ATG7: variants seen among roughly 807,000 people sequenced by gnomAD.
The protein encoded by ATG7 is ubiquitin-like modifier-activating enzyme ATG7.
In ATG7, 70 loss-of-function variants were observed where a neutral mutation model predicts 82.4. The observed-to-expected ratio is 0.85, with a 90% CI of 0.70 to 1.04. The LOEUF is 1.04. ATG7 is among the 50% of genes least tolerant of loss of function. The pLI is 0.00. For missense variants in ATG7, 792 were observed against 864.3 expected, an observed-to-expected ratio of 0.92 and a Z score of 1.05; for synonymous variants, 287 against 313.0, an observed-to-expected ratio of 0.92 and a Z score of 0.88.
chr3:11,300,831 A>G (rs13058769), intron 5 of ATG7, among the ~76,000 whole-genome samples: 31,534 of 152,188 alleles, frequency 0.21, 3,655 homozygotes, highest in South Asian at 0.36. Context: ...CTTTGTGTTA[A>G]GATGATTTTG....
chr3:11,407,729 C>G (rs180819315), intron 19 of ATG7, among the ~76,000 whole-genome samples: 14 of 152,350 alleles, frequency 9.2e-5, no homozygotes, highest in Admixed American at 2.6e-4. Flanking sequence ...GGCTTGCATT[C>G]TCTGAAGCCA....
At chr3:11,300,175 C>G (rs1946568486) in intron 5 of ATG7, among the ~76,000 whole-genome samples, 1 of 152,182 alleles carries the variant, frequency 6.6e-6, no homozygotes, top group Admixed American at 6.5e-5. Context: ...GATTCGCCTG[C>G]CTTGGCCTCC....
intron 18 of ATG7, among the ~76,000 whole-genome samples, chr3:11,378,555 G>A (rs888618132): frequency 1.3e-5 from 2 of 150,782 alleles, no homozygotes; most frequent in South Asian, 4.2e-4. Context: ...TGTGGTGGTG[G>A]GCGCCTGTAA....
chr3:11,318,451 C>G (rs1949746862), intron 9 of ATG7, among the ~76,000 whole-genome samples: 1 of 152,198 alleles, frequency 6.6e-6, no homozygotes, highest in African/African-American at 2.4e-5. Flanking sequence ...TTATCTTATT[C>G]TAGGAAAGAT....
downstream of ATG7, among the ~76,000 whole-genome samples, chr3:11,561,509 G>A (rs979079493): frequency 7.2e-5 from 11 of 152,288 alleles, no homozygotes; most frequent in Admixed American, 2.6e-4. Flanking sequence ...AGGGTGGCCC[G>A]TGAGCCCTCG....
At chr3:11,528,393 C>T (rs769887949) in intron 20 of ATG7, among the ~76,000 whole-genome samples, 5 of 152,040 alleles carry the variant, frequency 3.3e-5, no homozygotes, top group Non-Finnish European at 5.9e-5. Context: ...CACCAATATC[C>T]GGGAAGTCAG....
intron 20 of ATG7, among the ~76,000 whole-genome samples, chr3:11,442,041 C>CGA (rs1413973168): frequency 6.6e-6 from 1 of 152,166 alleles, no homozygotes; most frequent in African/African-American, 2.4e-5. Flanking sequence ...GGCCTCAAGC[C>CGA]ATTCACCTGC....
chr3:11,544,357 G>GC (rs2071090398), intron 20 of ATG7, among the ~76,000 whole-genome samples: 1 of 152,150 alleles, frequency 6.6e-6, no homozygotes, highest in Non-Finnish European at 1.5e-5. Flanking sequence ...AACCCGTGAG[G>GC]CCCCCCATCT....
intron 1 of ATG7, among the ~76,000 whole-genome samples, chr3:11,273,117 C>T (rs892685382): frequency 2.0e-5 from 3 of 152,182 alleles, no homozygotes; most frequent in African/African-American, 7.2e-5. Flanking sequence ...TAAACACTGG[C>T]GACTGATGCC....
chr3:11,443,826 ATG>A (rs2084241342), intron 20 of ATG7, among the ~76,000 whole-genome samples: 1 of 152,208 alleles, frequency 6.6e-6, no homozygotes, highest in Non-Finnish European at 1.5e-5. Context: ...ATATTTCCAA[ATG>A]AGCTATAACA....
At chr3:11,293,222 A>G (rs540521337) in intron 3 of ATG7, among the ~76,000 whole-genome samples, 32 of 152,150 alleles carry the variant, frequency 2.1e-4, no homozygotes, top group Non-Finnish European at 3.8e-4. Context: ...ATACAGACAG[A>G]ACTTGTTGTA....
In ATG7 at chr3:11,372,063, C is replaced by T. The variant is rs189585744; in HGVS notation, c.1875+7329C>T. ...GTGTTTTCATTCCCCACGGTGAGGA[C>T]GGTGTGTCCTGTCTCCTAAGGCCCT... On this transcript the variant is annotated intron_variant, in intron 18 of 20. Transcript: ENST00000693202. Among the ~76,000 whole-genome samples, 15 of 151,494 alleles carry T rather than the reference C, an allele frequency of 9.9e-5. No individual in the cohort carries two copies. The South Asian group carries it at 2.1e-3, about 21-fold the overall frequency.
intron 20 of ATG7, among the ~76,000 whole-genome samples, chr3:11,510,790 C>T (rs1040767649): frequency 6.6e-5 from 10 of 152,190 alleles, no homozygotes; most frequent in African/African-American, 2.4e-4. Flanking sequence ...GAATCGATAG[C>T]TTAAAAGATA....
At chr3:11,501,546 A>C (rs1213147588) in intron 20 of ATG7, among the ~76,000 whole-genome samples, 15 of 4,878 alleles carry the variant, frequency 3.1e-3, no homozygotes, top group Admixed American at 4.7e-3. Context: ...TAATGATATT[A>C]ATAGATAGGT....
At chr3:11,558,201 C>CT, downstream of ATG7, 1 of 337,762 alleles carries the variant, frequency 3.0e-6, no homozygotes. Context: ...CACAAAGCGT[C>CT]TGAGTCACCA....
At chr3:11,372,853 T>TGTGC (rs34789022) in intron 18 of ATG7, among the ~76,000 whole-genome samples, 8 of 139,232 alleles carry the variant, frequency 5.7e-5, no homozygotes, top group South Asian at 4.3e-4. Flanking sequence ...TGCGTGTGCG[T>TGTGC]GTGTGTGTGT....
At chr3:11,273,859 T>C (rs549609574) in intron 1 of ATG7, among the ~76,000 whole-genome samples, 10 of 152,122 alleles carry the variant, frequency 6.6e-5, no homozygotes, top group Non-Finnish European at 1.2e-4. Context: ...TGGACAGTAA[T>C]TGGGGGGAAG....
chr3:11,331,363 C>T lies in ATG7; in HGVS notation c.702C>T (p.Pro234=). The part of the protein sequence containing the change: ...RTKITIGVYD[P]CNLAQYPGWP... ...AGATAACAATTGGTGTATATGATCC[C>T]TGTAACTTAGCCCAGTACCCTGGAT... Residue 234 remains proline (P), a synonymous_variant, in exon 10 of 21, where the codon CCC becomes CCT. Transcript: ENST00000693202. 2.5e-6 allele frequency: 4 copies of T among 1,613,700 alleles called. No individual in the cohort carries two copies. The African/African-American group carries it at 5.3e-5, about 22-fold the overall frequency.
At chr3:11,348,195 G>A in intron 14 of ATG7, 160 bp downstream of exon 14, 6 of 1,050,386 alleles carry the variant, frequency 5.7e-6, no homozygotes, top group South Asian at 5.4e-5. Context: ...CTCAGAGAGG[G>A]ATAAAAAAAC....
Sources: allele counts gnomAD v4.1 joint callset (sites outside exome capture counted in the v4.1 genomes callset), GRCh38; gene constraint gnomAD v4.1.1; transcripts MANE v1.5; gene names NCBI Gene and HGNC (gene_info 2026-07-23, HGNC 2026-07-21).